Variants in EME1 observed in about 807,000 individuals in gnomAD.
The protein encoded by EME1 is structure-specific endonuclease subunit EME1.
Under a neutral mutation model 59.1 loss-of-function variants are expected in EME1, and 61 were observed. The observed-to-expected ratio is 1.03, with a 90% confidence interval of 0.84 to 1.28. The LOEUF (loss-of-function observed/expected upper bound fraction) is 1.28. Among genes scored for constraint, EME1 ranks in the 50% most tolerant of loss-of-function variants. EME1 has a pLI of 0.00. For missense variants in EME1, 635 were observed against 682.6 expected (o/e 0.93, Z 0.78); for synonymous variants, 230 against 254.2 (o/e 0.90, Z 0.90).
intron 1 of EME1, among the ~76,000 whole-genome samples, chr17:50,373,891 G>T (rs945357329): frequency 6.6e-6 from 1 of 152,170 alleles, no homozygotes; most frequent in South Asian, 2.1e-4. Context: ...CCATACAGTG[G>T]AATATTATTC....
At position 50,380,407 on chromosome 17, in the gene EME1, T is replaced by G; in HGVS notation, c.1442T>G (p.Val481Gly). ...VDLAGRGLALVWRRQIQQLNR... is the reference protein window; with the variant it reads ...VDLAGRGLALGWRRQIQQLNR... ...CTTGCTGGCAGGGGACTCGCACTAG[T>G]CTGGAGGAGACAGATTCAGCAGCTG... Residue 481 changes from valine to glycine, a missense_variant, in exon 8 of 9, where the codon GTC (valine) becomes GGC (glycine). By Grantham distance (109) the Val-to-Gly change is moderately radical (BLOSUM62 -3). Transcript: ENST00000338165. 6.2e-7 allele frequency: 1 copy of G among 1,614,132 alleles called. No homozygotes were observed. Among genetic ancestry groups the G allele is most frequent in the Non-Finnish European group, 8.5e-7 (1 of 1,180,004 alleles).
intron 7 of EME1, chr17:50,379,814 GT>G: frequency 2.2e-6 from 1 of 462,756 alleles, no homozygotes; most frequent in Non-Finnish European, 3.9e-6. Context: ...CATAGGCCAG[GT>G]TACCATAGGC....
chr17:50,375,580 T>A lies in EME1; in HGVS notation c.372T>A (p.Asp124Glu), dbSNP rs776243726. ...GCTCCCCAGTTAAAAGTGTTTTGGA[T>A]CATCAAAATAATGAAGGTGCATCAT... ...DSSSPVKSVLDHQNNEGASCD... is the reference protein window; with the variant it reads ...DSSSPVKSVLEHQNNEGASCD... Residue 124 changes from aspartate (D) to glutamate (E), a missense_variant, in exon 2 of 9, where the codon GAT becomes GAA. Asp to Glu is a conservative substitution (Grantham distance 45, BLOSUM62 2). Coordinates refer to ENST00000338165, the MANE Select transcript of EME1 (RefSeq NM_152463.4). 3.8e-5 allele frequency: 62 copies of A among 1,611,620 alleles called. No individual in the cohort carries two copies. Among genetic ancestry groups the A allele is most frequent in the Non-Finnish European group, 4.7e-5 (56 of 1,179,412 alleles).
At chr17:50,377,282 T>C (rs1913524950) in intron 3 of EME1, among the ~76,000 whole-genome samples, 1 of 151,986 alleles carries the variant, frequency 6.6e-6, no homozygotes, top group Non-Finnish European at 1.5e-5. Flanking sequence ...TCCTATGGGG[T>C]AGGACTTCTC....
chr17:50,374,194 T>A (rs72832475), intron 1 of EME1, among the ~76,000 whole-genome samples: 3,139 of 152,318 alleles, frequency 0.021, 53 homozygotes, highest in Middle Eastern at 0.054. Flanking sequence ...TGTACACTTT[T>A]AAAAGGATAT....
At position 50,375,212 on chromosome 17, in the gene EME1, G is replaced by T. The variant is rs1567814536; in HGVS notation, c.4G>T (p.Ala2Ser). 4 of 1,613,558 alleles carry T rather than the reference G, an allele frequency of 2.5e-6. No individual in the cohort carries two copies. The highest frequency in any genetic ancestry group is 3.4e-6 in the Non-Finnish European group (4 of 1,179,818). Residue 2 changes from alanine to serine, a missense_variant, in exon 2 of 9, where the codon GCT becomes TCT. By Grantham distance (99) the Ala-to-Ser change is moderately conservative. Coordinates refer to ENST00000338165, the MANE Select transcript of EME1 (RefSeq NM_152463.4). M[A>S]LKKSSPSLDS... is the part of the protein sequence containing the mutation. ...AATTATTTGATAGCACATACTGATG[G>T]CTCTAAAGAAGTCATCACCCTCACT...
rs1414351955 is a variant in EME1, at chr17:50,375,655, T to C, written c.447T>C (p.Asp149=). 1.9e-6 allele frequency: 3 copies of C among 1,614,098 alleles called. No homozygotes were observed. Among genetic ancestry groups the C allele is most frequent in the Non-Finnish European group, 2.5e-6 (3 of 1,180,022 alleles). ...AGATCCCTGAAGTTCCCCTCCATGA[T>C]ACCCCAGAGAGGAGTGCAGCAGATA... ...FPKIPEVPLH[D]TPERSAADNK... The change falls in exon 2 of 9, where the codon GAT becomes GAC. Residue 149 remains aspartate (D), a synonymous_variant. Transcript: ENST00000338165.
rs781758737 is a variant in EME1 at position 50,380,512 on chromosome 17, C to T, written c.1536+11C>T. ...CAGCTCCTGGTACAGGTATGCTGCT[C>T]CAGGGCTCAGGGGTCACTGCCCATT... On this transcript the variant is annotated intron_variant, in intron 8 of 8. Coordinates refer to ENST00000338165, the MANE Select transcript of EME1 (RefSeq NM_152463.4). 1 of 1,612,298 alleles carries T rather than the reference C, an allele frequency of 6.2e-7. No homozygotes were observed. Among genetic ancestry groups the T allele is most frequent in the East Asian group, 2.2e-5 (1 of 44,860 alleles).
Position 50,373,293 on chromosome 17 carries a change from C to A in EME1, c.-25+16C>A. The A allele has an allele frequency of 7.3e-7, 1 of 1,372,428 alleles. No individual in the cohort carries two copies. The highest frequency in any genetic ancestry group is 1.3e-5 in the South Asian group (1 of 79,254). 85.0% of individuals were successfully genotyped at this position (1,372,428 alleles called of 1,614,324 possible). A position where few individuals can be genotyped will look rare whatever the true frequency, so the allele number is the denominator to read the frequency against. On this transcript the variant is annotated intron_variant, in intron 1 of 8. Coordinates refer to ENST00000338165, the MANE Select transcript of EME1 (RefSeq NM_152463.4). ...GAAGTTGCAGGTGAGCGTCCCCGGT[C>A]GCAGGCCTGCGGATTGGGCAGGGCT...
rs1268318419 is a variant in EME1 at position 50,379,226 on chromosome 17, T to C, written c.1230+2T>C. 6.2e-7 allele frequency: 1 copy of C among 1,613,986 alleles called. No individual in the cohort carries two copies. ...GTATCCAGGGTAGACGCTGAAGAGG[T>C]AAGAACGTCCTGTTGCCTGAATCGG... On this transcript the variant is annotated splice_donor_variant, in intron 6 of 8. Coordinates refer to ENST00000338165, the MANE Select transcript of EME1 (RefSeq NM_152463.4). LOFTEE classifies it high-confidence loss of function.
Position 50,379,441 on chromosome 17 carries a change from T to C in EME1, c.1231-11T>C, listed in dbSNP as rs767927648. The C allele has an allele frequency of 1.2e-6, 2 of 1,613,588 alleles. No homozygotes were observed. The highest frequency in any genetic ancestry group is 2.2e-5 in the East Asian group (1 of 44,876). On this transcript the variant is annotated splice_polypyrimidine_tract_variant and intron_variant, in intron 6 of 8. Coordinates refer to ENST00000338165, the MANE Select transcript of EME1 (RefSeq NM_152463.4). ...TACCCTTCCAGTCCATCGTTGCTTT[T>C]GGGTTTCTAGGCATTGGTGGATCTG... is the stretch of plus-strand genomic sequence containing the variant.
intron 7 of EME1, chr17:50,380,080 G>A: frequency 2.1e-6 from 1 of 471,318 alleles, no homozygotes. Flanking sequence ...AAAGAATCTG[G>A]TATCTTTTCT....
chr17:50,375,886 G>A lies in EME1; in HGVS notation c.678G>A (p.Leu226=), dbSNP rs1360325630. The change falls in exon 2 of 9, where the codon CTG becomes CTA. Residue 226 remains leucine, a synonymous_variant. Transcript: ENST00000338165. ...QRQARQKEST[L]RRQERKNAAL... The stretch of plus-strand genomic sequence containing the variant: ...AAGCAAGGCAGAAGGAAAGCACCCT[G>A]AGAAGACAGGAAAGAAAGAATGCAG... The A allele has an allele frequency of 3.1e-6, 5 of 1,614,062 alleles. No homozygotes were observed. Among genetic ancestry groups the A allele is most frequent in the Admixed American group, 1.7e-5 (1 of 59,988 alleles).
At position 50,375,799 on chromosome 17, in the gene EME1, G is replaced by C. The variant is rs1352421001; in HGVS notation, c.591G>C (p.Lys197Asn). ...KTNSDILPPQKKTKPSQKVQG... is the reference protein window; with the variant it reads ...KTNSDILPPQNKTKPSQKVQG... ...ATTCTGACATCCTTCCACCCCAGAA[G>C]AAAACCAAGCCGAGTCAGAAGGTCC... Residue 197 changes from lysine (K) to asparagine (N), a missense_variant, in exon 2 of 9, where the codon AAG (lysine) becomes AAC (asparagine). By Grantham distance (94) the Lys-to-Asn change is moderately conservative. Coordinates refer to ENST00000338165, the MANE Select transcript of EME1 (RefSeq NM_152463.4). The C allele has an allele frequency of 6.2e-7, 1 of 1,614,136 alleles. No individual in the cohort carries two copies. Among genetic ancestry groups the C allele is most frequent in the Admixed American group, 1.7e-5 (1 of 60,020 alleles).
At position 50,380,849 on chromosome 17, in the gene EME1, T is replaced by C. The variant is rs890789378; in HGVS notation, c.1623T>C (p.Thr541=). 2 of 1,614,184 alleles carry C rather than the reference T, an allele frequency of 1.2e-6. No individual in the cohort carries two copies. The highest frequency in any genetic ancestry group is 1.7e-6 in the Non-Finnish European group (2 of 1,180,038). ...QVRRGEGVTS[T]SRRIGPELSR... is the part of the protein sequence containing the mutation. ...GCCGTGGGGAAGGTGTGACATCCAC[T>C]TCTCGCCGCATTGGACCAGAACTAT... The change falls in exon 9 of 9, where the codon ACT becomes ACC. Residue 541 remains threonine (T), a synonymous_variant. Transcript: ENST00000338165.
intron 3 of EME1, among the ~76,000 whole-genome samples, chr17:50,377,760 CTT>C (rs530008233): frequency 6.2e-5 from 9 of 145,514 alleles, no homozygotes; most frequent in Admixed American, 2.8e-4. Flanking sequence ...TTTTTTCTCT[CTT>C]TTTTTTTTTT....
chr17:50,380,623 C>G (rs749786167), intron 8 of EME1, 122 bp downstream of exon 8: 8 of 1,530,990 alleles, frequency 5.2e-6, no homozygotes, highest in Non-Finnish European at 7.1e-6. Flanking sequence ...TGCAGGTCTA[C>G]TAAGATCAGT....
chr17:50,375,718 A>C lies in EME1; in HGVS notation c.510A>C (p.Pro170=). 6.2e-7 allele frequency: 1 copy of C among 1,614,166 alleles called. No individual in the cohort carries two copies. Among genetic ancestry groups the C allele is most frequent in the Non-Finnish European group, 8.5e-7 (1 of 1,180,028 alleles). Residue 170 remains proline (P), a synonymous_variant, in exon 2 of 9, where the codon CCA becomes CCC. Transcript: ENST00000338165. ...TCTTAGATCCATGCTGTCAGCTTCCAGCCTACCTGTCTACCTGCCCTGGCC... is the reference window on the plus strand; with the variant it reads ...TCTTAGATCCATGCTGTCAGCTTCCCGCCTACCTGTCTACCTGCCCTGGCC... ...DLILDPCCQL[P]AYLSTCPGQS... is the part of the protein sequence containing the mutation.
intron 7 of EME1, 150 bp downstream of exon 7, chr17:50,379,717 G>A (rs887090626): frequency 3.0e-6 from 2 of 658,368 alleles, no homozygotes; most frequent in African/African-American, 3.6e-5. Flanking sequence ...TCACACTGGG[G>A]ATTCTTGGGA....
Sources: allele counts gnomAD v4.1 joint callset (sites outside exome capture counted in the v4.1 genomes callset), GRCh38; gene constraint gnomAD v4.1.1; transcripts MANE v1.5; gene names NCBI Gene and HGNC (gene_info 2026-07-23, HGNC 2026-07-21).